The following ATXN1 variants were observed in gnomAD, a reference collection of about 807,000 sequenced individuals.
The protein encoded by ATXN1 is ataxin 1, also known as ataxin-1.
ATXN1 carries 8 observed loss-of-function variants against 56.4 expected under a neutral mutation model. That is an observed-to-expected ratio of 0.14 (90% CI 0.08 to 0.26). The LOEUF (loss-of-function observed/expected upper bound fraction) is 0.26. Among genes scored for constraint, ATXN1 ranks in the 10% least tolerant of loss-of-function variants. ATXN1 has a pLI of 1.00. For missense variants in ATXN1, 987 were observed against 1,106.5 expected (o/e 0.89, Z 1.53); for synonymous variants, 514 against 494.6 (o/e 1.04, Z -0.52).
intron 6 of ATXN1, among the ~76,000 whole-genome samples, chr6:16,467,002 G>A (rs1043682012): frequency 6.6e-6 from 1 of 152,156 alleles, no homozygotes; most frequent in Non-Finnish European, 1.5e-5. Context: ...CTGTGGTGCA[G>A]CCTCGCATAA....
intron 6 of ATXN1, among the ~76,000 whole-genome samples, chr6:16,348,193 A>G (rs974420884): frequency 6.6e-6 from 1 of 152,190 alleles, no homozygotes; most frequent in African/African-American, 2.4e-5. Context: ...CTTCCTTAGT[A>G]GCTGGGATTA....
chr6:16,608,288 C>T (rs1365669698), intron 3 of ATXN1, among the ~76,000 whole-genome samples: 5 of 152,174 alleles, frequency 3.3e-5, no homozygotes, highest in Admixed American at 3.3e-4. Flanking sequence ...CCTTTGTTGA[C>T]AATCATTGCA....
chr6:16,357,276 T>A (rs765928870), intron 6 of ATXN1, among the ~76,000 whole-genome samples: 25 of 151,376 alleles, frequency 1.7e-4, no homozygotes, highest in African/African-American at 2.7e-4. Context: ...ATTTTATTTT[T>A]TTTTGCTTTT....
chr6:16,402,242 G>GTT (rs58048762), intron 6 of ATXN1, among the ~76,000 whole-genome samples: 2 of 62,118 alleles, frequency 3.2e-5, no homozygotes, highest in African/African-American at 6.7e-5. Context: ...ACCACTGACA[G>GTT]TTTTTTTTTT....
chr6:16,713,480 A>G (rs756712299), intron 2 of ATXN1, among the ~76,000 whole-genome samples: 2 of 152,224 alleles, frequency 1.3e-5, no homozygotes, highest in Non-Finnish European at 2.9e-5. Flanking sequence ...AAACTGCTCA[A>G]TCCAAGAGTT....
At chr6:16,732,184 G>A (rs1368826211) in intron 2 of ATXN1, among the ~76,000 whole-genome samples, 1 of 152,126 alleles carries the variant, frequency 6.6e-6, no homozygotes, top group Non-Finnish European at 1.5e-5. Context: ...AAAAAGATGA[G>A]ATAGAACATA....
intron 6 of ATXN1, among the ~76,000 whole-genome samples, chr6:16,460,153 A>T (rs1365269141): frequency 6.6e-6 from 1 of 152,152 alleles, no homozygotes; most frequent in Non-Finnish European, 1.5e-5. Context: ...GCAAATATTC[A>T]TCTAGTAGAA....
At position 16,506,690 on chromosome 6, in the gene ATXN1, A is replaced by G. The variant is rs1760987183; in HGVS notation, c.-299+15937T>C. Among the ~76,000 whole-genome samples, 1 of 152,198 alleles carries G rather than the reference A, an allele frequency of 6.6e-6. No homozygotes were observed. The highest frequency in any genetic ancestry group is 2.4e-5 in the African/African-American group (1 of 41,452). On this transcript the variant is annotated intron_variant, in intron 5 of 7. Coordinates refer to ENST00000436367, the MANE Select transcript of ATXN1 (RefSeq NM_001128164.2). The surrounding 1 kb of genome is among the most constrained non-coding windows in gnomAD (Gnocchi z 4.1). ...AAGATGTGAAATGAACATTATCATT[A>G]TTTGTTTCAGTGGAGGCTCACTGGC...
intron 4 of ATXN1, among the ~76,000 whole-genome samples, chr6:16,533,221 AAAG>A (rs372406871): frequency 4.6e-5 from 7 of 152,164 alleles, no homozygotes; most frequent in South Asian, 2.1e-4. Flanking sequence ...ATCACAATAA[AAAG>A]AAGAAGAAGA....
At chr6:16,347,500 G>A (rs1197339398) in intron 6 of ATXN1, among the ~76,000 whole-genome samples, 1 of 147,262 alleles carries the variant, frequency 6.8e-6, no homozygotes, top group Non-Finnish European at 1.5e-5. Context: ...TCTAGCTAAG[G>A]GATTGTAAAT....
intron 6 of ATXN1, among the ~76,000 whole-genome samples, chr6:16,427,388 G>T (rs1759179982): frequency 6.6e-6 from 1 of 152,156 alleles, no homozygotes; most frequent in South Asian, 2.1e-4. Context: ...CACGGCGGAG[G>T]GAGCAAAATT....
At chr6:16,311,618 A>T (rs1760392236) in intron 7 of ATXN1, among the ~76,000 whole-genome samples, 2 of 152,256 alleles carry the variant, frequency 1.3e-5, no homozygotes, top group Non-Finnish European at 2.9e-5. Flanking sequence ...ATATATGTGC[A>T]TATATACATA....
intron 2 of ATXN1, among the ~76,000 whole-genome samples, chr6:16,695,077 G>T (rs1201791137): frequency 2.6e-5 from 4 of 152,152 alleles, no homozygotes; most frequent in Non-Finnish European, 4.4e-5. Flanking sequence ...ACCCACTGAA[G>T]TGGTGGCTCT....
intron 6 of ATXN1, among the ~76,000 whole-genome samples, chr6:16,459,001 C>T (rs1759937399): frequency 2.0e-5 from 3 of 152,202 alleles, no homozygotes; most frequent in Non-Finnish European, 4.4e-5. Context: ...TAATCTCCTG[C>T]CCCAGACAGC....
At chr6:16,719,146 G>A (rs755388686) in intron 2 of ATXN1, among the ~76,000 whole-genome samples, 24 of 152,154 alleles carry the variant, frequency 1.6e-4, no homozygotes, top group Non-Finnish European at 2.9e-4. Context: ...GGCCTTTCAC[G>A]TGAATTTATG....
chr6:16,594,954 T>C (rs1581869620), intron 3 of ATXN1, among the ~76,000 whole-genome samples: 1 of 152,216 alleles, frequency 6.6e-6, no homozygotes, highest in African/African-American at 2.4e-5. Context: ...TAGATTGGAC[T>C]GAGGGTTAAT....
At position 16,689,521 on chromosome 6, in the gene ATXN1, C is replaced by CTT. The variant is rs11374047; in HGVS notation, c.-614-31622_-614-31621dup. ...CTTCCTTTTTTTTTCTTTTTTTTTT[C>CTT]TTTTTTTTTTTTTTGTAGAGATGGA... On this transcript the variant is annotated intron_variant, in intron 2 of 7. Transcript: ENST00000436367. Among the ~76,000 whole-genome samples the CTT allele has an allele frequency of 1.2e-3, 125 of 105,226 alleles. 2 individuals carry two copies. The highest frequency in any genetic ancestry group is 2.3e-3 in the South Asian group (7 of 3,104). The allele number at this position is 105,226 out of a possible 152,430, so 69.0% of individuals were successfully genotyped here.
At chr6:16,563,829 T>C (rs1266068315) in intron 4 of ATXN1, among the ~76,000 whole-genome samples, 1 of 152,136 alleles carries the variant, frequency 6.6e-6, no homozygotes, top group African/African-American at 2.4e-5. Context: ...AGGAAGTATT[T>C]CATCATCTTT....
At chr6:16,317,576 C>T (rs565417725) in intron 7 of ATXN1, among the ~76,000 whole-genome samples, 1 of 152,150 alleles carries the variant, frequency 6.6e-6, no homozygotes, top group Non-Finnish European at 1.5e-5. Flanking sequence ...CCACCCACCT[C>T]GGCCTCCCAA....
Sources: gnomAD v4.1 joint callset for allele counts (sites outside exome capture counted in the v4.1 genomes callset) on GRCh38, gnomAD v4.1.1 for gene constraint, Gnocchi (gnomAD v3.1) non-coding constraint, MANE v1.5 for transcripts, NCBI Gene and HGNC (gene_info 2026-07-23, HGNC 2026-07-21) for gene names.